KDM3A: variants seen among roughly 807,000 people sequenced by gnomAD.
KDM3A encodes the protein lysine demethylase 3A.
In KDM3A, 60 loss-of-function variants were observed where a neutral mutation model predicts 158.0. The observed-to-expected ratio is 0.38, with a 90% CI of 0.31 to 0.47. The LOEUF is 0.47. Among genes scored for constraint, KDM3A ranks in the 20% least tolerant of loss-of-function variants. The pLI is 0.99. For synonymous variants in KDM3A, 608 were observed against 549.3 expected, an observed-to-expected ratio of 1.11 and a Z score of -1.49; for missense variants, 1,319 against 1,574.3, an observed-to-expected ratio of 0.84 and a Z score of 2.74.
chr2:86,460,418 GAA>G (rs1375838459), intron 8 of KDM3A, among the ~76,000 whole-genome samples: 3 of 152,184 alleles, frequency 2.0e-5, no homozygotes, highest in Admixed American at 6.5e-5. Flanking sequence ...AGTGGGGAAA[GAA>G]AGTTTTTGAA....
chr2:86,484,025 T>C lies in KDM3A; in HGVS notation c.2961T>C (p.Ser987=), dbSNP rs778901234. Residue 987 remains serine (S), a synonymous_variant, in exon 19 of 26, where the codon TCT becomes TCC. Coordinates refer to ENST00000312912, the MANE Select transcript of KDM3A (RefSeq NM_018433.6). ...CTGGAGTGCATCATAAATTGAACTC[T>C]GAACTTTGGAAACCTGAATCCTTCA... is the stretch of plus-strand genomic sequence containing the variant. ...MVSGVHHKLN[S]ELWKPESFRK... 7.8e-5 allele frequency: 126 copies of C among 1,613,994 alleles called. No individual in the cohort carries two copies. The South Asian group carries it at 1.4e-3, about 17-fold the overall frequency.
At chr2:86,452,251 G>A (rs886747586) in intron 4 of KDM3A, among the ~76,000 whole-genome samples, 2 of 148,166 alleles carry the variant, frequency 1.3e-5, no homozygotes, top group Non-Finnish European at 3.0e-5. Context: ...AAGCAGTGCT[G>A]AAGTGCCATG....
At chr2:86,456,361 G>T in intron 5 of KDM3A, 81 bp from the exon 6 acceptor site, 1 of 1,024,042 alleles carries the variant, frequency 9.8e-7, no homozygotes, top group South Asian at 1.9e-5. Context: ...AAAGACTTAG[G>T]AAAAGATTGT....
chr2:86,450,973 A>G, intron 3 of KDM3A, 130 bp from the exon 4 acceptor site: 2 of 574,540 alleles, frequency 3.5e-6, no homozygotes, highest in Non-Finnish European at 6.2e-6. Context: ...AGTTGTTATG[A>G]GATAACTTGC....
At chr2:86,464,653 A>G (rs1673061216) in intron 9 of KDM3A, among the ~76,000 whole-genome samples, 1 of 152,224 alleles carries the variant, frequency 6.6e-6, no homozygotes, top group South Asian at 2.1e-4. Flanking sequence ...TCTAAGAATA[A>G]TAGAAATGAG....
At chr2:86,484,545 G>A (rs535445502) in intron 19 of KDM3A, 2 of 238,122 alleles carry the variant, frequency 8.4e-6, no homozygotes, top group Non-Finnish European at 1.6e-5. Flanking sequence ...TAGAGGAGGA[G>A]CAGATTGGAT....
chr2:86,457,382 G>A (rs536971642), intron 8 of KDM3A, among the ~76,000 whole-genome samples: 239 of 152,064 alleles, frequency 1.6e-3, no homozygotes, highest in African/African-American at 5.4e-3. Flanking sequence ...CGATCCTCCC[G>A]CCTCAGCTTC....
At chr2:86,477,337 C>A (rs1348934681) in intron 12 of KDM3A, among the ~76,000 whole-genome samples, 1 of 152,258 alleles carries the variant, frequency 6.6e-6, no homozygotes, top group Non-Finnish European at 1.5e-5. Flanking sequence ...GTGCAACTCC[C>A]TCCAGGCCCC....
intron 12 of KDM3A, among the ~76,000 whole-genome samples, chr2:86,477,609 G>C (rs1347275988): frequency 6.6e-6 from 1 of 151,986 alleles, no homozygotes; most frequent in Admixed American, 6.6e-5. Context: ...ATTCTGCTTG[G>C]AGTTCATTCT....
At chr2:86,452,439 G>C (rs1218935462) in intron 4 of KDM3A, among the ~76,000 whole-genome samples, 1 of 152,036 alleles carries the variant, frequency 6.6e-6, no homozygotes, top group Non-Finnish European at 1.5e-5. Flanking sequence ...GTGACCAGAG[G>C]CTTGAAGGAA....
rs1674493908 is a variant in KDM3A at position 86,492,234 on chromosome 2, T to G, written c.*115T>G. The G allele has an allele frequency of 4.1e-6, 3 of 728,564 alleles. No homozygotes were observed. The highest frequency in any genetic ancestry group is 7.2e-6 in the Non-Finnish European group (3 of 415,384). The allele number at this position is 728,564 out of a possible 1,614,324, so 45.1% of individuals were successfully genotyped here. On this transcript the variant is annotated 3_prime_UTR_variant, in exon 26 of 26. Coordinates refer to ENST00000312912, the MANE Select transcript of KDM3A (RefSeq NM_018433.6). ...CTTCTTTTTTAAACTGTACCCAACTTGTGAGGGTACTCTGTCTAATGTATA... is the reference window on the plus strand; with the variant it reads ...CTTCTTTTTTAAACTGTACCCAACTGGTGAGGGTACTCTGTCTAATGTATA...
chr2:86,474,020 T>C (rs555218016), intron 11 of KDM3A, among the ~76,000 whole-genome samples: 4 of 152,336 alleles, frequency 2.6e-5, no homozygotes, highest in African/African-American at 4.8e-5. Context: ...TACCCTTCTT[T>C]AGCTGAGCTT....
At chr2:86,466,323 A>G in intron 9 of KDM3A, 49 bp from the exon 10 acceptor site, 1 of 1,527,520 alleles carries the variant, frequency 6.5e-7, no homozygotes, top group Non-Finnish European at 8.8e-7. Context: ...AAGATAATGG[A>G]GAGATAAAAA....
chr2:86,442,144 T>A lies in KDM3A; in HGVS notation c.97T>A (p.Trp33Arg). Residue 33 changes from tryptophan (W) to arginine (R), a missense_variant, in exon 2 of 26, where the codon TGG becomes AGG. Trp to Arg is a moderately radical substitution (Grantham distance 101, BLOSUM62 -3). Transcript: ENST00000312912. ...CGGCAGCGATGGCAGCCACGACAGC[T>A]GGGACGTGGAGCGCGTCGCCGAGTG... The part of the protein sequence containing the change: ...ADGSDGSHDS[W>R]DVERVAEWPW... 1 of 1,614,092 alleles carries A rather than the reference T, an allele frequency of 6.2e-7. No individual in the cohort carries two copies. Among genetic ancestry groups the A allele is most frequent in the Non-Finnish European group, 8.5e-7 (1 of 1,180,014 alleles).
intron 11 of KDM3A, among the ~76,000 whole-genome samples, chr2:86,473,910 C>A (rs1346723155): frequency 6.6e-6 from 1 of 152,232 alleles, no homozygotes; most frequent in Non-Finnish European, 1.5e-5. Context: ...ATGCTTCCCT[C>A]TTTCCAGAAG....
chr2:86,464,302 C>A, intron 9 of KDM3A, 86 bp downstream of exon 9: 1 of 1,073,366 alleles, frequency 9.3e-7, no homozygotes. Context: ...CCTGGTTGTC[C>A]AGGGAGGTTT....
intron 2 of KDM3A, among the ~76,000 whole-genome samples, chr2:86,447,827 C>A (rs1045759454): frequency 1.3e-5 from 2 of 152,154 alleles, no homozygotes; most frequent in African/African-American, 4.8e-5. Context: ...GAATCTGGAT[C>A]TAGAATTTGT....
chr2:86,466,588 A>G lies in KDM3A; in HGVS notation c.1224A>G (p.Gln408=), dbSNP rs377687083. 23 of 1,613,872 alleles carry G rather than the reference A, an allele frequency of 1.4e-5. No individual in the cohort carries two copies. Among genetic ancestry groups the G allele is most frequent in the African/African-American group, 2.7e-5 (2 of 74,920 alleles). Residue 408 remains glutamine (Q), a synonymous_variant, in exon 10 of 26, where the codon CAA becomes CAG. Transcript: ENST00000312912. The stretch of plus-strand genomic sequence containing the variant: ...AAAACAGATTGGAGTCTGTTCCACA[A>G]GCATTGACTGGCCTTCCTAAGGAGT... ...DQENRLESVP[Q]ALTGLPKECL... is the part of the protein sequence containing the mutation.
upstream of KDM3A, among the ~76,000 whole-genome samples, chr2:86,440,493 C>T (rs1327137801): frequency 2.6e-5 from 4 of 152,212 alleles, no homozygotes; most frequent in African/African-American, 9.7e-5. Context: ...AAGTCACCTT[C>T]TCTTTCATCT....
Sources: allele counts gnomAD v4.1 joint callset (sites outside exome capture counted in the v4.1 genomes callset), GRCh38; gene constraint gnomAD v4.1.1; transcripts MANE v1.5; gene names NCBI Gene and HGNC (gene_info 2026-07-23, HGNC 2026-07-21).